Variants in ARID4B observed in about 807,000 individuals in gnomAD.
ARID4B encodes AT-rich interaction domain 4B.
A neutral mutation model predicts 147.5 loss-of-function variants in ARID4B; 26 were observed. The ratio of observed to expected loss-of-function variants is 0.18; its 90% CI spans 0.13 to 0.24. The LOEUF is 0.24. Ranked by LOEUF, ARID4B falls within the 10% of genes least tolerant of loss-of-function variation. The probability of loss-of-function intolerance (pLI) is 1.00; values close to 1 mark genes in which losing one functional copy is unlikely to be tolerated. For missense variants in ARID4B, 1,179 were observed against 1,511.5 expected, an observed-to-expected ratio of 0.78 and a Z score of 3.65; for synonymous variants, 512 against 507.9, an observed-to-expected ratio of 1.01 and a Z score of -0.11.
chr1:235,263,114 C>G (rs1423515851), intron 2 of ARID4B, among the ~76,000 whole-genome samples: 1 of 152,120 alleles, frequency 6.6e-6, no homozygotes. Context: ...AATTTGCAAC[C>G]TCCTCTATTA....
chr1:235,261,875 C>T (rs1670314716), intron 2 of ARID4B, among the ~76,000 whole-genome samples: 1 of 152,130 alleles, frequency 6.6e-6, no homozygotes, highest in South Asian at 2.1e-4. Context: ...ATAAAAAGTA[C>T]TAACATCCCA....
intron 20 of ARID4B, chr1:235,180,357 G>C (rs535994177): frequency 1.3e-5 from 2 of 151,894 alleles, no homozygotes; most frequent in Admixed American, 1.3e-4. Context: ...GGCTGGTCTT[G>C]AACTCCTGGA....
intron 21 of ARID4B, among the ~76,000 whole-genome samples, chr1:235,177,171 T>C (rs986250990): frequency 5.9e-5 from 9 of 152,262 alleles, no homozygotes; most frequent in African/African-American, 1.9e-4. Context: ...ACTTCTATGC[T>C]GATTTTGCCT....
intron 2 of ARID4B, among the ~76,000 whole-genome samples, chr1:235,287,657 C>T (rs1346666175): frequency 6.6e-6 from 1 of 152,198 alleles, no homozygotes; most frequent in Non-Finnish European, 1.5e-5. Flanking sequence ...CAACCGGCAG[C>T]TACTATTTTC....
chr1:235,246,663 T>G (rs1334239920), intron 6 of ARID4B, 152 bp from the exon 7 acceptor site: 2 of 575,312 alleles, frequency 3.5e-6, no homozygotes, highest in East Asian at 5.6e-5. Flanking sequence ...AGATAGAAAA[T>G]TCTAGTTTCA....
intron 2 of ARID4B, among the ~76,000 whole-genome samples, chr1:235,323,522 C>T (rs899935918): frequency 4.2e-4 from 64 of 152,230 alleles, no homozygotes; most frequent in African/African-American, 1.5e-3. Context: ...CAGTGGCTCA[C>T]GCCTGTAATC....
intron 7 of ARID4B, among the ~76,000 whole-genome samples, chr1:235,242,522 T>C (rs1165253790): frequency 6.6e-6 from 1 of 152,206 alleles, no homozygotes; most frequent in Non-Finnish European, 1.5e-5. Context: ...TTTCTCAAAG[T>C]AGCCACAGAA....
intron 17 of ARID4B, among the ~76,000 whole-genome samples, chr1:235,200,078 G>C (rs1035910864): frequency 6.6e-6 from 1 of 151,854 alleles, no homozygotes; most frequent in African/African-American, 2.4e-5. Context: ...CAGAACTATG[G>C]GAGGCCCAGA....
intron 23 of ARID4B, among the ~76,000 whole-genome samples, chr1:235,172,022 G>T (rs977013470): frequency 6.6e-6 from 1 of 152,120 alleles, no homozygotes; most frequent in Non-Finnish European, 1.5e-5. Flanking sequence ...GTAATCTAAA[G>T]TAACCCATCC....
intron 18 of ARID4B, among the ~76,000 whole-genome samples, chr1:235,194,598 A>G (rs1322901593): frequency 6.6e-6 from 1 of 152,160 alleles, no homozygotes; most frequent in Non-Finnish European, 1.5e-5. Flanking sequence ...CGGCAGGTGG[A>G]TCACCTGAGG....
chr1:235,175,287 C>T lies in ARID4B; in HGVS notation c.3561G>A (p.Arg1187=). 6.2e-7 allele frequency: 1 copy of T among 1,614,122 alleles called. No individual in the cohort carries two copies. Among genetic ancestry groups the T allele is most frequent in the Non-Finnish European group, 8.5e-7 (1 of 1,180,008 alleles). Residue 1187 remains arginine, a synonymous_variant, in exon 22 of 24, where the codon AGG becomes AGA. Transcript: ENST00000264183. ...TTCCACATTTTCCTGGAGACTGCGT[C>T]CTTGCGGGAGATTTGGTACTATGAG... ...MKSHSTKSPA[R]TQSPGKCGKN...
chr1:235,266,244 AGATT>A (rs1417619513), intron 2 of ARID4B, among the ~76,000 whole-genome samples: 2 of 152,182 alleles, frequency 1.3e-5, no homozygotes, highest in African/African-American at 4.8e-5. Context: ...GACATAAAAA[AGATT>A]ATGTCAGCAG....
chr1:235,197,584 G>A (rs888241845), intron 17 of ARID4B, among the ~76,000 whole-genome samples: 1 of 152,214 alleles, frequency 6.6e-6, no homozygotes, highest in African/African-American at 2.4e-5. Context: ...AATGGAATGA[G>A]CTTTAGGACA....
At chr1:235,313,504 G>T (rs1674222263) in intron 2 of ARID4B, among the ~76,000 whole-genome samples, 1 of 151,970 alleles carries the variant, frequency 6.6e-6, no homozygotes, top group East Asian at 1.9e-4. Flanking sequence ...TACCTGCCTA[G>T]GCTGCCCATG....
At chr1:235,233,572 G>C (rs989998111) in intron 9 of ARID4B, among the ~76,000 whole-genome samples, 4 of 152,068 alleles carry the variant, frequency 2.6e-5, no homozygotes, top group Admixed American at 2.6e-4. Flanking sequence ...AAAATATCTG[G>C]CTTCTCTAGT....
rs374681138 is a variant in ARID4B, at chr1:235,209,563, G to GTTT, written c.1841+4203_1841+4205dup. ...AAGAAAATTGATTTTTTTGTTTTTT[G>GTTT]TTTTGTTTTTTTTTTTTTGAGATGG... On this transcript the variant is annotated intron_variant, in intron 17 of 23. Transcript: ENST00000264183. Among the ~76,000 whole-genome samples, 73 of 137,192 alleles carry GTTT rather than the reference G, an allele frequency of 5.3e-4. 2 individuals carry two copies. The highest frequency in any genetic ancestry group is 1.7e-3 in the African/African-American group (58 of 35,114). The allele number at this position is 137,192 out of a possible 152,430, so 90.0% of individuals were successfully genotyped here. A position where few individuals can be genotyped will look rare whatever the true frequency, so the allele number is the denominator to read the frequency against.
chr1:235,212,873 T>G (rs1020719197), intron 17 of ARID4B, among the ~76,000 whole-genome samples: 2 of 152,140 alleles, frequency 1.3e-5, no homozygotes, highest in African/African-American at 4.8e-5. Flanking sequence ...AATTTAAGTA[T>G]AAAGCATGAG....
intron 2 of ARID4B, among the ~76,000 whole-genome samples, chr1:235,289,910 G>C (rs180852259): frequency 3.3e-5 from 5 of 152,014 alleles, no homozygotes; most frequent in African/African-American, 1.2e-4. Flanking sequence ...CGCATCCATA[G>C]TTTCAACTAC....
intron 2 of ARID4B, among the ~76,000 whole-genome samples, chr1:235,279,563 GA>G (rs1671537306): frequency 6.6e-6 from 1 of 152,224 alleles, no homozygotes; most frequent in South Asian, 2.1e-4. Flanking sequence ...AACAACTAAA[GA>G]ATTAGTAAAT....
Sources: allele counts gnomAD v4.1 joint callset (sites outside exome capture counted in the v4.1 genomes callset), GRCh38; gene constraint gnomAD v4.1.1; transcripts MANE v1.5; gene names NCBI Gene and HGNC (gene_info 2026-07-23, HGNC 2026-07-21).